Variants in CDC26 observed in about 807,000 individuals in gnomAD.
CDC26 encodes the protein cell division cycle 26.
A neutral mutation model predicts 8.0 loss-of-function variants in CDC26; 2 were observed. The observed-to-expected ratio is 0.25, with a 90% CI of 0.10 to 0.79. The LOEUF (loss-of-function observed/expected upper bound fraction) is 0.79. Among genes scored for constraint, CDC26 ranks in the 30% least tolerant of loss-of-function variants. CDC26 has a pLI of 0.70. For missense variants in CDC26, 68 were observed against 106.0 expected, an observed-to-expected ratio of 0.64 and a Z score of 1.57; for synonymous variants, 19 against 34.9, an observed-to-expected ratio of 0.55 and a Z score of 1.60.
At chr9:113,269,710 CTTT>C (rs1276778408) in intron 3 of CDC26, among the ~76,000 whole-genome samples, 2 of 152,164 alleles carry the variant, frequency 1.3e-5, no homozygotes, top group Non-Finnish European at 2.9e-5. Flanking sequence ...TTAAGCCATA[CTTT>C]AAAGCTCATG....
At chr9:113,270,479 A>G (rs1268588513) in intron 3 of CDC26, among the ~76,000 whole-genome samples, 1 of 149,590 alleles carries the variant, frequency 6.7e-6, no homozygotes, top group Non-Finnish European at 1.5e-5. Flanking sequence ...TGATTTTACA[A>G]TAAAAAAAAT....
chr9:113,272,670 T>G (rs1413898212), intron 2 of CDC26, 122 bp from the exon 3 acceptor site: 2 of 581,630 alleles, frequency 3.4e-6, no homozygotes, highest in Non-Finnish European at 6.1e-6. Context: ...TTATTTGAAT[T>G]TACACATAGA....
At chr9:113,273,652 T>C (rs1831994117) in intron 1 of CDC26, among the ~76,000 whole-genome samples, 1 of 151,720 alleles carries the variant, frequency 6.6e-6, no homozygotes, top group Non-Finnish European at 1.5e-5. Context: ...AAGTACAGCT[T>C]TGGTAACGTA....
intron 2 of CDC26, 23 bp from the exon 3 acceptor site, chr9:113,272,571 G>T: frequency 8.2e-7 from 1 of 1,217,426 alleles, no homozygotes; most frequent in Non-Finnish European, 1.2e-6. Context: ...AAAGAGAGGA[G>T]GAAAATCTGA....
chr9:113,275,487 T>G lies in CDC26; in HGVS notation c.-257A>C. The G allele has an allele frequency of 2.1e-6, 1 of 483,504 alleles. No individual in the cohort carries two copies. The highest frequency in any genetic ancestry group is 3.7e-6 in the Non-Finnish European group (1 of 269,034). The allele number at this position is 483,504 out of a possible 1,614,324, so 30.0% of individuals were successfully genotyped here. A position where few individuals can be genotyped will look rare whatever the true frequency, so the allele number is the denominator to read the frequency against. On this transcript the variant is annotated 5_prime_UTR_variant, in exon 1 of 4. Coordinates refer to ENST00000374206, the MANE Select transcript of CDC26 (RefSeq NM_139286.4). The stretch of plus-strand genomic sequence containing the variant: ...CTTCCCAGACTGCTTGGAGCCTCTC[T>G]CTCCGCAGAACCTCGTCTTCCGCGA...
At chr9:113,271,022 T>C (rs1209009609) in intron 3 of CDC26, among the ~76,000 whole-genome samples, 1 of 152,168 alleles carries the variant, frequency 6.6e-6, no homozygotes, top group African/African-American at 2.4e-5. Context: ...AGCGCAGGAC[T>C]GTAACAGTGG....
At chr9:113,274,035 G>A (rs1832009746) in intron 1 of CDC26, among the ~76,000 whole-genome samples, 1 of 152,092 alleles carries the variant, frequency 6.6e-6, no homozygotes, top group Non-Finnish European at 1.5e-5. Context: ...GTAAATGTTT[G>A]TTGACTAGAA....
At chr9:113,272,216 A>G (rs1831969237) in intron 3 of CDC26, among the ~76,000 whole-genome samples, 1 of 152,126 alleles carries the variant, frequency 6.6e-6, no homozygotes, top group African/African-American at 2.4e-5. Flanking sequence ...TCAGGAGTTG[A>G]GACTAGCCTG....
rs565082050 is a variant in CDC26 at position 113,267,764 on chromosome 9, G to A, written c.82-325C>T. Among the ~76,000 whole-genome samples the A allele has an allele frequency of 6.2e-4, 94 of 152,128 alleles. 1 individual carries two copies. Among genetic ancestry groups the A allele is most frequent in the African/African-American group, 2.1e-3 (88 of 41,506 alleles). On this transcript the variant is annotated intron_variant, in intron 3 of 3. Transcript: ENST00000374206. ...AGCCCTTTGGGAGGCTGAGGCGAGCGGATCACGAGGTCAGGAGATCGAGAC... is the reference window on the plus strand; with the variant it reads ...AGCCCTTTGGGAGGCTGAGGCGAGCAGATCACGAGGTCAGGAGATCGAGAC...
chr9:113,267,717 G>C (rs946343532), intron 3 of CDC26, among the ~76,000 whole-genome samples: 1 of 152,096 alleles, frequency 6.6e-6, no homozygotes, highest in African/African-American at 2.4e-5. Context: ...GGCGGGGCAC[G>C]GTGGCTCACA....
At chr9:113,272,196 T>C (rs4979229) in intron 3 of CDC26, among the ~76,000 whole-genome samples, 24,099 of 152,114 alleles carry the variant, frequency 0.16, 2,488 homozygotes, top group Non-Finnish European at 0.22. Context: ...GGTGGATGGA[T>C]CACTTGAGGT....
In CDC26 at chr9:113,267,119, G is replaced by C. The variant is rs1831873940; in HGVS notation, c.*144C>G. 5.8e-6 allele frequency: 3 copies of C among 513,516 alleles called. No individual in the cohort carries two copies. In the South Asian group the frequency reaches 1.0e-4, roughly 18 times the overall value. 31.8% of individuals were successfully genotyped at this position (513,516 alleles called of 1,614,324 possible). ...GATTCCAGCTTAGAGTGCAAGTGAA[G>C]CATCAGTAATCTCATGCAGAAGATT... is the stretch of plus-strand genomic sequence containing the variant. On this transcript the variant is annotated 3_prime_UTR_variant, in exon 4 of 4. Coordinates refer to ENST00000374206, the MANE Select transcript of CDC26 (RefSeq NM_139286.4).
chr9:113,268,831 T>C (rs1185944648), intron 3 of CDC26, among the ~76,000 whole-genome samples: 1 of 152,176 alleles, frequency 6.6e-6, no homozygotes, highest in African/African-American at 2.4e-5. Context: ...CTTGGCTCAC[T>C]GCAACCTCCG....
At chr9:113,269,213 C>A (rs1246542212) in intron 3 of CDC26, among the ~76,000 whole-genome samples, 1 of 151,322 alleles carries the variant, frequency 6.6e-6, no homozygotes, top group African/African-American at 2.4e-5. Context: ...CAGAGCAAGA[C>A]CCTGTCTCAA....
At chr9:113,271,181 T>C (rs1831950615) in intron 3 of CDC26, among the ~76,000 whole-genome samples, 1 of 152,118 alleles carries the variant, frequency 6.6e-6, no homozygotes, top group African/African-American at 2.4e-5. Flanking sequence ...AATACTGAGA[T>C]GGGAAACACT....
Sources: gnomAD v4.1 joint callset for allele counts (sites outside exome capture counted in the v4.1 genomes callset) on GRCh38, gnomAD v4.1.1 for gene constraint, MANE v1.5 for transcripts, NCBI Gene and HGNC (gene_info 2026-07-23, HGNC 2026-07-21) for gene names.